CCDC192: variants seen among roughly 807,000 people sequenced by gnomAD.
CCDC192 encodes the protein coiled-coil domain containing 192.
chr5:127,743,149 C>T (rs1302268779), intron 2 of CCDC192, among the ~76,000 whole-genome samples: 7 of 152,082 alleles, frequency 4.6e-5, no homozygotes, highest in Admixed American at 2.0e-4. Flanking sequence ...TCCGCTGGTT[C>T]ATTTCCCCTC....
At chr5:127,861,476 A>C (rs1247596880) in intron 5 of CCDC192, among the ~76,000 whole-genome samples, 1 of 151,600 alleles carries the variant, frequency 6.6e-6, no homozygotes, top group Non-Finnish European at 1.5e-5. Flanking sequence ...CCAACATAGC[A>C]AAGCCCCGTC....
chr5:127,799,138 C>T lies in CCDC192; in HGVS notation c.411+976C>T, dbSNP rs116791519. ...TCATGTTAATGGCCAATCTTAACTA[C>T]ACCAGGCCCCTCAGACAGACCTGAG... On this transcript the variant is annotated intron_variant, in intron 5 of 6. Transcript: ENST00000514853. Among the ~76,000 whole-genome samples the T allele has an allele frequency of 8.1e-3, 1,231 of 152,314 alleles. 13 individuals carry two copies. Among genetic ancestry groups the T allele is most frequent in the African/African-American group, 0.028 (1,175 of 41,558 alleles).
intron 6 of CCDC192, among the ~76,000 whole-genome samples, chr5:127,919,053 GTGTA>G (rs1429674771): frequency 2.0e-4 from 30 of 146,974 alleles, no homozygotes; most frequent in African/African-American, 7.3e-4. Flanking sequence ...ATATCTGTGT[GTGTA>G]TGTGTGTGTG....
intron 3 of CCDC192, among the ~76,000 whole-genome samples, chr5:127,778,800 T>C (rs754365883): frequency 6.6e-6 from 1 of 152,122 alleles, no homozygotes; most frequent in Non-Finnish European, 1.5e-5. Flanking sequence ...TCTTTAATTG[T>C]TGTAGGTCAA....
At position 127,843,477 on chromosome 5, in the gene CCDC192, G is replaced by A. The variant is rs181887356; in HGVS notation, c.412-32061G>A. Reference sequence around the variant, plus strand: ...TTTTGAGACGGAATCTTGCTCAGTCGCCCAGGCTGGAGTGCAGTGGTGTGA... The same window carrying A: ...TTTTGAGACGGAATCTTGCTCAGTCACCCAGGCTGGAGTGCAGTGGTGTGA... On this transcript the variant is annotated intron_variant, in intron 5 of 6. Transcript: ENST00000514853. 5.5e-4 allele frequency among the ~76,000 whole-genome samples: 80 copies of A among 146,414 alleles called. 2 individuals are homozygous for A. In the East Asian group the frequency reaches 0.012, roughly 21 times the overall value.
chr5:127,900,696 A>T (rs1284559615), intron 6 of CCDC192, among the ~76,000 whole-genome samples: 1 of 152,178 alleles, frequency 6.6e-6, no homozygotes, highest in African/African-American at 2.4e-5. Context: ...CCTCTAATTA[A>T]ATTAAATTGA....
intron 6 of CCDC192, among the ~76,000 whole-genome samples, chr5:127,893,019 A>G (rs1374690399): frequency 6.6e-6 from 1 of 152,206 alleles, no homozygotes; most frequent in African/African-American, 2.4e-5. Flanking sequence ...ATCTGAAAAC[A>G]TCCAAAGGGG....
At chr5:127,819,317 T>C (rs1361825722) in intron 5 of CCDC192, among the ~76,000 whole-genome samples, 1 of 152,152 alleles carries the variant, frequency 6.6e-6, no homozygotes, top group East Asian at 1.9e-4. Flanking sequence ...AGGCACCACA[T>C]AATTATGTCA....
At chr5:127,891,531 T>G (rs1752732391) in intron 6 of CCDC192, among the ~76,000 whole-genome samples, 2 of 152,212 alleles carry the variant, frequency 1.3e-5, no homozygotes, top group African/African-American at 4.8e-5. Flanking sequence ...TCGTTCCACC[T>G]AGTGCTCCAC....
chr5:127,800,653 A>C (rs1440074368), intron 5 of CCDC192, among the ~76,000 whole-genome samples: 1 of 152,166 alleles, frequency 6.6e-6, no homozygotes, highest in Non-Finnish European at 1.5e-5. Context: ...AAGAATATAC[A>C]AAGCCAAATT....
chr5:127,768,444 C>T (rs1755356774), intron 3 of CCDC192, among the ~76,000 whole-genome samples: 1 of 152,166 alleles, frequency 6.6e-6, no homozygotes, highest in Admixed American at 6.5e-5. Context: ...GCCAGCAAAC[C>T]GTTAGAAGCT....
intron 5 of CCDC192, among the ~76,000 whole-genome samples, chr5:127,868,228 C>T (rs1034445121): frequency 3.9e-5 from 6 of 152,102 alleles, no homozygotes; most frequent in African/African-American, 1.4e-4. Context: ...GGTCCCACTG[C>T]AGATTCCCAT....
intron 5 of CCDC192, among the ~76,000 whole-genome samples, chr5:127,803,346 A>T (rs1044295388): frequency 1.3e-5 from 2 of 152,154 alleles, no homozygotes; most frequent in Non-Finnish European, 2.9e-5. Flanking sequence ...CCCAGTGCAC[A>T]TGTGGGCACC....
At chr5:127,903,024 C>T (rs867648761) in intron 6 of CCDC192, among the ~76,000 whole-genome samples, 11 of 152,126 alleles carry the variant, frequency 7.2e-5, no homozygotes, top group South Asian at 2.1e-4. Context: ...GTTCCAGATG[C>T]TTGGAGAGGA....
chr5:127,868,942 G>A (rs1751729580), intron 5 of CCDC192, among the ~76,000 whole-genome samples: 1 of 152,134 alleles, frequency 6.6e-6, no homozygotes, highest in African/African-American at 2.4e-5. Context: ...ATGTCACTTT[G>A]GGCAAGATAC....
At chr5:127,765,452 T>C (rs1430988760) in intron 3 of CCDC192, among the ~76,000 whole-genome samples, 1 of 152,240 alleles carries the variant, frequency 6.6e-6, no homozygotes. Flanking sequence ...AAAGCACTTT[T>C]AAATTTCTAA....
intron 2 of CCDC192, among the ~76,000 whole-genome samples, chr5:127,712,456 C>T (rs1467272983): frequency 6.6e-6 from 1 of 152,218 alleles, no homozygotes; most frequent in Admixed American, 6.5e-5. Context: ...TTCTCTCACC[C>T]TGTGATATCT....
chr5:127,899,490 C>T (rs139873275), intron 6 of CCDC192, among the ~76,000 whole-genome samples: 20 of 151,746 alleles, frequency 1.3e-4, no homozygotes, highest in Non-Finnish European at 2.5e-4. Flanking sequence ...AGGGCCTGCT[C>T]CTGAACTTAA....
intron 1 of CCDC192, among the ~76,000 whole-genome samples, chr5:127,704,219 C>A (rs1750834003): frequency 6.6e-6 from 1 of 152,274 alleles, no homozygotes; most frequent in South Asian, 2.1e-4. Context: ...GACAGAGTCT[C>A]ACTCTGTCAT....
Sources: gnomAD v4.1 joint callset for allele counts (sites outside exome capture counted in the v4.1 genomes callset) on GRCh38, gnomAD v4.1.1 for gene constraint, MANE v1.5 for transcripts, NCBI Gene and HGNC (gene_info 2026-07-23, HGNC 2026-07-21) for gene names.